GPC6: variants seen among roughly 807,000 people sequenced by gnomAD.
GPC6 encodes glypican 6.
GPC6 carries 14 observed loss-of-function variants against 55.2 expected under a neutral mutation model. The ratio of observed to expected loss-of-function variants is 0.25; its 90% confidence interval spans 0.17 to 0.40. GPC6 has a LOEUF of 0.40. GPC6 is among the 10% of genes least tolerant of loss of function. The pLI, the probability that GPC6 is intolerant of heterozygous loss-of-function variation, is 1.00. For synonymous variants in GPC6, 278 were observed against 259.6 expected (o/e 1.07, Z -0.68); for missense variants, 641 against 708.5 (o/e 0.90, Z 1.08).
chr13:93,772,826 A>G (rs568404585), intron 2 of GPC6, among the ~76,000 whole-genome samples: 9 of 152,264 alleles, frequency 5.9e-5, no homozygotes, highest in African/African-American at 1.9e-4. Context: ...CAGATGCACT[A>G]TCATTCTAAG....
At chr13:93,726,092 T>C (rs1883625268) in intron 2 of GPC6, among the ~76,000 whole-genome samples, 2 of 130,786 alleles carry the variant, frequency 1.5e-5, no homozygotes, top group South Asian at 5.0e-4. Context: ...AAATAAAGAC[T>C]TTTTCCTTCA....
intron 4 of GPC6, among the ~76,000 whole-genome samples, chr13:94,079,983 G>C (rs1885049431): frequency 6.6e-6 from 1 of 152,154 alleles, no homozygotes; most frequent in African/African-American, 2.4e-5. Context: ...GATGGTTTTT[G>C]TTATTTTAAT....
intron 2 of GPC6, among the ~76,000 whole-genome samples, chr13:93,764,967 T>C (rs1393244441): frequency 6.6e-6 from 1 of 151,894 alleles, no homozygotes; most frequent in African/African-American, 2.4e-5. Flanking sequence ...GTCCAGCTAA[T>C]TTTTTGTATT....
At chr13:93,247,737 C>T (rs1167848819) in intron 1 of GPC6, among the ~76,000 whole-genome samples, 1 of 152,118 alleles carries the variant, frequency 6.6e-6, no homozygotes, top group Non-Finnish European at 1.5e-5. Context: ...AACAACACAC[C>T]TATTATGAAT....
At chr13:94,222,875 A>G (rs1433340243) in intron 4 of GPC6, among the ~76,000 whole-genome samples, 1 of 152,128 alleles carries the variant, frequency 6.6e-6, no homozygotes, top group Non-Finnish European at 1.5e-5. Context: ...TCAGTGCAGC[A>G]ATGCCTCACC....
chr13:94,108,149 A>C (rs1054375706), intron 4 of GPC6, among the ~76,000 whole-genome samples: 2 of 152,208 alleles, frequency 1.3e-5, no homozygotes, highest in Non-Finnish European at 2.9e-5. Context: ...AATTCCCATG[A>C]ATCAACAAGT....
intron 2 of GPC6, among the ~76,000 whole-genome samples, chr13:93,547,809 A>C (rs780667041): frequency 7.2e-5 from 11 of 152,160 alleles, no homozygotes; most frequent in African/African-American, 2.6e-4. Flanking sequence ...AATAATCATC[A>C]TCATCATCAA....
At chr13:94,228,512 A>AT (rs201503842) in intron 4 of GPC6, among the ~76,000 whole-genome samples, 258 of 150,918 alleles carry the variant, frequency 1.7e-3, no homozygotes, top group African/African-American at 4.1e-3. Flanking sequence ...TTTACATGAG[A>AT]TTTTTTTTTG....
At chr13:94,104,852 G>T (rs1419054566) in intron 4 of GPC6, among the ~76,000 whole-genome samples, 4 of 152,130 alleles carry the variant, frequency 2.6e-5, no homozygotes, top group Non-Finnish European at 5.9e-5. Flanking sequence ...CCATGCTCAT[G>T]GGTAGGAAGA....
At chr13:93,990,034 A>G (rs1881226935) in intron 3 of GPC6, among the ~76,000 whole-genome samples, 1 of 151,594 alleles carries the variant, frequency 6.6e-6, no homozygotes, top group South Asian at 2.1e-4. Context: ...AGGCACACAC[A>G]TGAAATGAAT....
intron 2 of GPC6, among the ~76,000 whole-genome samples, chr13:93,717,089 GA>G (rs1249484983): frequency 6.6e-6 from 1 of 151,480 alleles, no homozygotes; most frequent in East Asian, 2.0e-4. Context: ...TACAAGGACA[GA>G]ATCACCTAAG....
intron 6 of GPC6, among the ~76,000 whole-genome samples, chr13:94,324,324 A>C (rs1876996660): frequency 6.6e-6 from 1 of 151,924 alleles, no homozygotes; most frequent in African/African-American, 2.4e-5. Flanking sequence ...AAAAAAAAAA[A>C]AAAAAACTCA....
chr13:93,702,034 A>T (rs1882686730), intron 2 of GPC6, among the ~76,000 whole-genome samples: 1 of 152,062 alleles, frequency 6.6e-6, no homozygotes, highest in Non-Finnish European at 1.5e-5. Context: ...CAGAAGAGTG[A>T]ACTCTTTCCA....
intron 2 of GPC6, among the ~76,000 whole-genome samples, chr13:93,674,010 G>GAGGATACAAAAA (rs1881478579): frequency 1.3e-5 from 2 of 152,018 alleles, no homozygotes; most frequent in Non-Finnish European, 2.9e-5. Context: ...ACAAAAAGAT[G>GAGGATACAAAAA]AATTATAGAG....
intron 3 of GPC6, among the ~76,000 whole-genome samples, chr13:93,845,510 G>A (rs1353568955): frequency 2.9e-5 from 4 of 139,966 alleles, no homozygotes; most frequent in Non-Finnish European, 6.0e-5. Context: ...TATAAATCAT[G>A]CTGCTATAAA....
the GPC6 span, among the ~76,000 whole-genome samples, chr13:93,221,235 AG>A: frequency 6.6e-6 from 1 of 152,218 alleles, no homozygotes; most frequent in African/African-American, 2.4e-5. Context: ...GTAGTATTTT[AG>A]GTAACGATGA....
chr13:93,434,234 A>T (rs917096332), intron 1 of GPC6, among the ~76,000 whole-genome samples: 5 of 152,186 alleles, frequency 3.3e-5, no homozygotes, highest in African/African-American at 1.2e-4. Flanking sequence ...ATCAATAGAA[A>T]TGCCACAGTC....
At chr13:94,321,234 G>A (rs1322042154) in intron 6 of GPC6, among the ~76,000 whole-genome samples, 1 of 152,158 alleles carries the variant, frequency 6.6e-6, no homozygotes, top group Non-Finnish European at 1.5e-5. Flanking sequence ...CCATGTAGCT[G>A]CAAAATACAT....
At chr13:93,800,591 C>T (rs1886338058) in intron 2 of GPC6, among the ~76,000 whole-genome samples, 1 of 152,106 alleles carries the variant, frequency 6.6e-6, no homozygotes, top group South Asian at 2.1e-4. Flanking sequence ...CAAACATAAA[C>T]AGGTTTCCAT....
Sources: gnomAD v4.1 joint callset for allele counts (sites outside exome capture counted in the v4.1 genomes callset) on GRCh38, gnomAD v4.1.1 for gene constraint, MANE v1.5 for transcripts, NCBI Gene and HGNC (gene_info 2026-07-23, HGNC 2026-07-21) for gene names.